The following GALNT13 variants were observed in gnomAD, a reference collection of about 807,000 sequenced individuals.
GALNT13 encodes UDP-GalNAc:polypeptide N-acetylgalactosaminyltransferase 13.
Under a neutral mutation model 64.2 loss-of-function variants are expected in GALNT13, and 28 were observed. That is an observed-to-expected ratio of 0.44 (90% CI 0.32 to 0.60). The LOEUF (loss-of-function observed/expected upper bound fraction) is 0.60. Among genes scored for constraint, GALNT13 ranks in the 20% least tolerant of loss-of-function variants. The pLI is 0.05. For missense variants in GALNT13, 577 were observed against 669.8 expected, an observed-to-expected ratio of 0.86 and a Z score of 1.53; for synonymous variants, 214 against 224.6, an observed-to-expected ratio of 0.95 and a Z score of 0.42.
the GALNT13 span, among the ~76,000 whole-genome samples, chr2:153,071,823 G>A: frequency 6.6e-6 from 1 of 152,088 alleles, no homozygotes; most frequent in East Asian, 1.9e-4. Context: ...GCTAAGAATG[G>A]TTTTTATATT....
chr2:153,918,486 C>A (rs986164673), intron 2 of GALNT13, among the ~76,000 whole-genome samples: 16 of 152,110 alleles, frequency 1.1e-4, no homozygotes, highest in African/African-American at 3.9e-4. Context: ...TAACCCACCA[C>A]CACTCTTCTC....
chr2:153,761,308 AT>A, the GALNT13 span: 2 of 152,114 alleles, frequency 1.3e-5, no homozygotes, highest in Admixed American at 6.5e-5. Context: ...TTGTTTACTT[AT>A]TATTTAATTT....
chr2:154,159,037 T>C (rs1237292970), intron 4 of GALNT13, among the ~76,000 whole-genome samples: 1 of 152,120 alleles, frequency 6.6e-6, no homozygotes, highest in African/African-American at 2.4e-5. Flanking sequence ...CTTTTCTTTA[T>C]TATGAATAAG....
chr2:154,188,473 A>G (rs577572497), intron 4 of GALNT13, among the ~76,000 whole-genome samples: 3 of 152,328 alleles, frequency 2.0e-5, no homozygotes, highest in African/African-American at 7.2e-5. Context: ...AATTAAATCC[A>G]TTACTAGGCC....
At chr2:153,780,260 C>CATATATATATATATATATATGCATAT in the GALNT13 span, among the ~76,000 whole-genome samples, 2 of 115,296 alleles carry the variant, frequency 1.7e-5, no homozygotes, top group African/African-American at 7.2e-5. Flanking sequence ...TATATATATG[C>CATATATATATATATATATATGCATAT]ATATATATAT....
the GALNT13 span, among the ~76,000 whole-genome samples, chr2:153,390,200 C>G: frequency 6.6e-6 from 1 of 152,102 alleles, no homozygotes; most frequent in Non-Finnish European, 1.5e-5. Flanking sequence ...TCTCAGCAAA[C>G]TGTCACAAGA....
chr2:153,407,825 TAGC>T, the GALNT13 span, among the ~76,000 whole-genome samples: 2 of 152,206 alleles, frequency 1.3e-5, no homozygotes, highest in African/African-American at 2.4e-5. Flanking sequence ...ATCATGCTAA[TAGC>T]AGGAAGATTA....
At chr2:153,149,097 A>C in the GALNT13 span, among the ~76,000 whole-genome samples, 1 of 151,884 alleles carries the variant, frequency 6.6e-6, no homozygotes, top group Non-Finnish European at 1.5e-5. Flanking sequence ...TTAAAAAATA[A>C]CACCACCACC....
chr2:153,993,748 A>G (rs1013081873), intron 3 of GALNT13, among the ~76,000 whole-genome samples: 10 of 151,570 alleles, frequency 6.6e-5, no homozygotes, highest in African/African-American at 2.4e-4. Context: ...GACATATTAG[A>G]TGATTTGCAA....
chr2:153,787,249 G>C, the GALNT13 span, among the ~76,000 whole-genome samples: 6 of 152,108 alleles, frequency 3.9e-5, no homozygotes, highest in African/African-American at 1.4e-4. Context: ...ATATAGGGGA[G>C]CCACACAACT....
chr2:154,023,163 AT>A, intron 3 of GALNT13, among the ~76,000 whole-genome samples: 1 of 152,276 alleles, frequency 6.6e-6, no homozygotes, highest in African/African-American at 2.4e-5. Flanking sequence ...AAGAATGTAT[AT>A]TCTGTTGATT....
At chr2:153,996,438 A>G (rs1296733651) in intron 3 of GALNT13, among the ~76,000 whole-genome samples, 1 of 152,008 alleles carries the variant, frequency 6.6e-6, no homozygotes, top group Non-Finnish European at 1.5e-5. Context: ...AGTGTTGTTA[A>G]GCGTTTTTAT....
At chr2:153,983,030 A>G (rs1425570891) in intron 3 of GALNT13, among the ~76,000 whole-genome samples, 2 of 152,002 alleles carry the variant, frequency 1.3e-5, no homozygotes, top group East Asian at 1.9e-4. Context: ...AAATTAGACA[A>G]TAATAACAAT....
the GALNT13 span, among the ~76,000 whole-genome samples, chr2:153,798,315 A>G: frequency 1.8e-4 from 27 of 152,282 alleles, no homozygotes; most frequent in South Asian, 5.2e-3. Context: ...TATTTGAACA[A>G]TTTTTACTAT....
the GALNT13 span, among the ~76,000 whole-genome samples, chr2:153,733,290 G>A: frequency 6.6e-6 from 1 of 152,066 alleles, no homozygotes; most frequent in African/African-American, 2.4e-5. Flanking sequence ...TGTGTCCATC[G>A]ACGTAGATTA....
chr2:153,589,045 G>A, the GALNT13 span, among the ~76,000 whole-genome samples: 5 of 152,130 alleles, frequency 3.3e-5, no homozygotes, highest in Non-Finnish European at 5.9e-5. Flanking sequence ...CCCGCTACTC[G>A]GGAGGCTGAG....
chr2:153,149,931 T>C, the GALNT13 span, among the ~76,000 whole-genome samples: 1 of 151,800 alleles, frequency 6.6e-6, no homozygotes, highest in Non-Finnish European at 1.5e-5. Context: ...GGGGTTTTTT[T>C]TGCCTGAAAA....
the GALNT13 span, among the ~76,000 whole-genome samples, chr2:153,305,240 G>A: frequency 6.6e-6 from 1 of 152,046 alleles, no homozygotes; most frequent in African/African-American, 2.4e-5. Flanking sequence ...TAGGTTCTGG[G>A]TTCATAGCAA....
At chr2:153,198,160 G>T in the GALNT13 span, among the ~76,000 whole-genome samples, 4 of 152,268 alleles carry the variant, frequency 2.6e-5, no homozygotes, top group African/African-American at 9.6e-5. Context: ...GTAGGATGTA[G>T]TCTGCTGGGG....
Sources: gnomAD v4.1 joint callset for allele counts (sites outside exome capture counted in the v4.1 genomes callset) on GRCh38, gnomAD v4.1.1 for gene constraint, MANE v1.5 for transcripts, NCBI Gene and HGNC (gene_info 2026-07-23, HGNC 2026-07-21) for gene names.